Variants in FREM3 observed in about 807,000 individuals in gnomAD.
FREM3 encodes the protein FRAS1 related extracellular matrix 3, also known as FRAS1-related extracellular matrix protein 3.
A neutral mutation model predicts 129.1 loss-of-function variants in FREM3; 105 were observed. The ratio of observed to expected loss-of-function variants is 0.81; its 90% CI spans 0.69 to 0.96. The LOEUF is 0.96. Among genes scored for constraint, FREM3 ranks in the 40% least tolerant of loss-of-function variants. The probability of loss-of-function intolerance (pLI) is 0.00; values close to 1 mark genes in which losing one functional copy is unlikely to be tolerated. For synonymous variants in FREM3, 1,014 were observed against 1,044.9 expected (o/e 0.97, Z 0.57); for missense variants, 2,593 against 2,666.3 (o/e 0.97, Z 0.61).
In FREM3 at chr4:143,696,752, G is replaced by C; in HGVS notation, c.3924C>G (p.His1308Gln). The C allele has an allele frequency of 6.5e-7, 1 of 1,537,890 alleles. No individual in the cohort carries two copies. Among genetic ancestry groups the C allele is most frequent in the Non-Finnish European group, 8.7e-7 (1 of 1,147,056 alleles). The part of the protein sequence containing the change: ...VVTLVDDETP[H>Q]LTVNNGLKVE... Reference sequence around the variant, plus strand: ...CCTTCAGCCCATTGTTGACAGTCAGGTGAGGAGTTTCATCATCCACTAGGG... The same window carrying C: ...CCTTCAGCCCATTGTTGACAGTCAGCTGAGGAGTTTCATCATCCACTAGGG... Residue 1308 changes from histidine (H) to glutamine (Q), a missense_variant, in exon 1 of 8, where the codon CAC becomes CAG. Physicochemically the swap from His to Gln is conservative, Grantham distance 24 (BLOSUM62 0). Around this residue, in one of 2 missense-constraint regions of FREM3, gnomAD observed 2,276 missense variants for 2,267.2 expected, o/e 1.00. Transcript: ENST00000329798.
chr4:143,697,601 T>G lies in FREM3; in HGVS notation c.3075A>C (p.Glu1025Asp), dbSNP rs751747415. The change falls in exon 1 of 8, where the codon GAA becomes GAC. Residue 1025 changes from glutamate to aspartate, a missense_variant. Transcript: ENST00000329798. ...GRVAYAHTAG[E>D]VGFQKQHDAF... ...CATCGTGCTGCTTTTGAAAACCAAC[T>G]TCACCTGCAGTGTGGGCATAGGCTA... The G allele has an allele frequency of 1.3e-6, 2 of 1,537,706 alleles. No individual in the cohort carries two copies. Among genetic ancestry groups the G allele is most frequent in the Non-Finnish European group, 1.7e-6 (2 of 1,147,002 alleles).
intron 2 of FREM3, among the ~76,000 whole-genome samples, chr4:143,684,482 T>C (rs1438008773): frequency 1.3e-5 from 2 of 152,220 alleles, no homozygotes; most frequent in Non-Finnish European, 2.9e-5. Context: ...GGGAACACCC[T>C]GTGGGACAAA....
chr4:143,655,053 G>A (rs1292249850), intron 2 of FREM3, among the ~76,000 whole-genome samples: 2 of 152,188 alleles, frequency 1.3e-5, no homozygotes, highest in Admixed American at 6.5e-5. Context: ...GCAGGTAAGT[G>A]AGGACAGAGG....
chr4:143,689,991 G>A (rs1454276985), intron 2 of FREM3, among the ~76,000 whole-genome samples: 3 of 142,598 alleles, frequency 2.1e-5, no homozygotes, highest in Admixed American at 7.4e-5. Context: ...AATACCACCT[G>A]TACCACCAAA....
intron 5 of FREM3, among the ~76,000 whole-genome samples, chr4:143,616,810 A>C (rs536113561): frequency 6.6e-6 from 1 of 151,644 alleles, no homozygotes; most frequent in East Asian, 1.9e-4. Context: ...AAAAGGAAGA[A>C]AGAAAAAAGA....
chr4:143,583,355 G>C (rs1738180821), intron 7 of FREM3, among the ~76,000 whole-genome samples: 1 of 152,152 alleles, frequency 6.6e-6, no homozygotes, highest in African/African-American at 2.4e-5. Context: ...GAAAGACAGG[G>C]AGAGAAACCA....
chr4:143,607,606 C>T (rs920298835), intron 6 of FREM3, among the ~76,000 whole-genome samples: 1 of 152,136 alleles, frequency 6.6e-6, no homozygotes, highest in Non-Finnish European at 1.5e-5. Context: ...ATGTTCAATA[C>T]TCTTGTAGGA....
intron 2 of FREM3, among the ~76,000 whole-genome samples, chr4:143,666,550 C>T (rs910470052): frequency 1.1e-4 from 17 of 152,076 alleles, no homozygotes; most frequent in Admixed American, 3.3e-4. Flanking sequence ...TATTATTCAG[C>T]GTAAAACAAA....
At chr4:143,672,980 G>A (rs1008843710) in intron 2 of FREM3, among the ~76,000 whole-genome samples, 11 of 152,260 alleles carry the variant, frequency 7.2e-5, no homozygotes, top group African/African-American at 2.2e-4. Flanking sequence ...GGTTATTCTA[G>A]TTAGCCATTT....
chr4:143,641,462 G>C (rs1318735134), intron 2 of FREM3, among the ~76,000 whole-genome samples: 1 of 152,240 alleles, frequency 6.6e-6, no homozygotes, highest in African/African-American at 2.4e-5. Flanking sequence ...ATGGGGGATG[G>C]ATGACCTCTG....
intron 7 of FREM3, among the ~76,000 whole-genome samples, chr4:143,578,306 A>G (rs992707732): frequency 1.3e-5 from 2 of 152,196 alleles, no homozygotes; most frequent in Admixed American, 1.3e-4. Context: ...TTATGAAGCC[A>G]TGAAGTTCTG....
Position 143,660,799 on chromosome 4 carries a change from C to T in FREM3, c.5275+32314G>A, listed in dbSNP as rs899760370. On this transcript the variant is annotated intron_variant, in intron 2 of 7. Transcript: ENST00000329798. ...TAGTTCTCCTTGAAGAGGTCCTTCA[C>T]GTCCCTTGTAAGTTGGATTCCTAGG... 2.9e-3 allele frequency among the ~76,000 whole-genome samples: 445 copies of T among 152,190 alleles called. 4 individuals carry two copies. Among genetic ancestry groups the T allele is most frequent in the African/African-American group, 0.01 (421 of 41,514 alleles).
Position 143,634,408 on chromosome 4 carries a change from A to G in FREM3, c.5276-6648T>C, listed in dbSNP as rs532386002. Among the ~76,000 whole-genome samples the G allele has an allele frequency of 4.6e-5, 7 of 152,234 alleles. No homozygotes were observed. In the South Asian group the frequency reaches 1.2e-3, roughly 27 times the overall value. ...ATTGTGGAGTTGGATAAGAAGATTT[A>G]TAGCTAGTGGGACCCCAGCGGCTTA... On this transcript the variant is annotated intron_variant, in intron 2 of 7. Transcript: ENST00000329798.
chr4:143,657,158 A>G (rs1739616519), intron 2 of FREM3, among the ~76,000 whole-genome samples: 2 of 152,196 alleles, frequency 1.3e-5, no homozygotes, highest in South Asian at 2.1e-4. Context: ...ACCATTTCCT[A>G]GTCATACTCA....
chr4:143,599,835 G>A (rs143444206), intron 6 of FREM3, among the ~76,000 whole-genome samples: 1 of 152,208 alleles, frequency 6.6e-6, no homozygotes, highest in African/African-American at 2.4e-5. Flanking sequence ...TGGAGACCAG[G>A]GTCTTGTTGA....
intron 2 of FREM3, among the ~76,000 whole-genome samples, chr4:143,684,130 GCTGGTTCCT>G (rs1740310499): frequency 6.6e-6 from 1 of 152,138 alleles, no homozygotes; most frequent in Non-Finnish European, 1.5e-5. Flanking sequence ...CCTGCCCACT[GCTGGTTCCT>G]CCCCATACTA....
At position 143,698,319 on chromosome 4, in the gene FREM3, G is replaced by A; in HGVS notation, c.2357C>T (p.Ala786Val). The A allele has an allele frequency of 6.5e-7, 1 of 1,537,756 alleles. No individual in the cohort carries two copies. Among genetic ancestry groups the A allele is most frequent in the Non-Finnish European group, 8.7e-7 (1 of 1,147,038 alleles). ...ACCCAATTTCTGTGGAGGCTGGTAG[G>A]CAACTTTATGCTGATTTACCTGGGC... ...TQAQVNQHKV[A>V]YQPPQKLGIA... Residue 786 changes from alanine to valine, a missense_variant, in exon 1 of 8, where the codon GCC becomes GTC. Physicochemically the swap from Ala to Val is moderately conservative, Grantham distance 64 (BLOSUM62 0). Around this residue, in one of 2 missense-constraint regions of FREM3, gnomAD observed 2,276 missense variants for 2,267.2 expected, o/e 1.00. Transcript: ENST00000329798.
At chr4:143,599,319 G>A (rs1166649182) in intron 6 of FREM3, among the ~76,000 whole-genome samples, 3 of 152,118 alleles carry the variant, frequency 2.0e-5, no homozygotes, top group African/African-American at 7.2e-5. Context: ...ATTAGAGAAA[G>A]AGCACTGAAC....
Position 143,699,246 on chromosome 4 carries a change from C to A in FREM3, c.1430G>T (p.Arg477Ile). 1.3e-6 allele frequency: 2 copies of A among 1,537,314 alleles called. No homozygotes were observed. Among genetic ancestry groups the A allele is most frequent in the Non-Finnish European group, 1.7e-6 (2 of 1,146,924 alleles). The change falls in exon 1 of 8, where the codon AGA (arginine) becomes ATA (isoleucine). Residue 477 changes from arginine to isoleucine, a missense_variant. Transcript: ENST00000329798. This position sits in a 1 kb window ranked among gnomAD's most constrained non-coding sequence, Gnocchi z 4.2. Reference sequence around the variant, plus strand: ...CCCAAACACCACCAGCTGCCCATGTCTCAAGCCCCTGACTGCAGCCATTTT... The same window carrying A: ...CCCAAACACCACCAGCTGCCCATGTATCAAGCCCCTGACTGCAGCCATTTT... ...EVKMAAVRGL[R>I]HGQLVVFGAP...
Sources: allele counts gnomAD v4.1 joint callset (sites outside exome capture counted in the v4.1 genomes callset), GRCh38; gene constraint gnomAD v4.1.1; regional missense constraint gnomAD v4.1.1; non-coding constraint Gnocchi (gnomAD v3.1); transcripts MANE v1.5; gene names NCBI Gene and HGNC (gene_info 2026-07-23, HGNC 2026-07-21).